FOXP1: variants seen among roughly 807,000 people sequenced by gnomAD.
FOXP1 encodes the protein forkhead box protein P1.
A neutral mutation model predicts 98.2 loss-of-function variants in FOXP1; 15 were observed. The ratio of observed to expected loss-of-function variants is 0.15; its 90% CI spans 0.10 to 0.24. The LOEUF is 0.24. FOXP1 is among the 10% of genes least tolerant of loss of function. The pLI is 1.00. For synonymous variants in FOXP1, 371 were observed against 314.5 expected (o/e 1.18, Z -1.90); for missense variants, 633 against 848.5 (o/e 0.75, Z 3.15).
intron 6 of FOXP1, among the ~76,000 whole-genome samples, chr3:71,113,758 A>AAAATAAAATAAAATAAAATAAAATG: frequency 6.6e-6 from 1 of 151,296 alleles, no homozygotes; most frequent in East Asian, 1.9e-4. Context: ...AAAATAAAAT[A>AAAATAAAATAAAATAAAATAAAATG]AAAGGTCAAG....
intron 4 of FOXP1, among the ~76,000 whole-genome samples, chr3:71,307,517 G>A (rs1303986855): frequency 6.6e-6 from 1 of 152,202 alleles, no homozygotes. Context: ...TAAGCGGGGT[G>A]CCCACAGAAA....
intron 6 of FOXP1, among the ~76,000 whole-genome samples, chr3:71,185,105 A>G (rs2062567176): frequency 6.6e-6 from 1 of 152,086 alleles, no homozygotes; most frequent in East Asian, 1.9e-4. Context: ...AGGCACAAGA[A>G]TTGCTTGAAC....
At chr3:71,178,666 G>A (rs961539698) in intron 6 of FOXP1, among the ~76,000 whole-genome samples, 3 of 151,630 alleles carry the variant, frequency 2.0e-5, no homozygotes, top group Non-Finnish European at 4.4e-5. Flanking sequence ...GGCGGATCAC[G>A]AGGTCAGGAG....
intron 2 of FOXP1, chr3:71,567,794 T>C (rs1264926880): frequency 6.6e-6 from 1 of 150,874 alleles, no homozygotes; most frequent in Non-Finnish European, 1.5e-5. Flanking sequence ...AAGAAAAGAG[T>C]GGACGTTCTT....
chr3:71,275,174 T>G (rs1054005758), intron 5 of FOXP1, among the ~76,000 whole-genome samples: 4 of 152,234 alleles, frequency 2.6e-5, no homozygotes, highest in African/African-American at 9.6e-5. Flanking sequence ...ACCCACTTGG[T>G]CACTTAATAT....
intron 20 of FOXP1, among the ~76,000 whole-genome samples, chr3:70,963,415 TCC>T (rs1274299724): frequency 2.6e-5 from 4 of 152,190 alleles, no homozygotes; most frequent in Non-Finnish European, 4.4e-5. Flanking sequence ...AGGATGGGAT[TCC>T]ACGAAAGATA....
intron 3 of FOXP1, among the ~76,000 whole-genome samples, chr3:71,397,823 T>C (rs1309220905): frequency 2.6e-5 from 4 of 152,228 alleles, no homozygotes; most frequent in African/African-American, 9.6e-5. Flanking sequence ...TTCCTATGTC[T>C]AGTATAATTC....
intron 6 of FOXP1, among the ~76,000 whole-genome samples, chr3:71,194,064 G>C (rs1205176663): frequency 6.6e-6 from 1 of 152,102 alleles, no homozygotes; most frequent in Non-Finnish European, 1.5e-5. Flanking sequence ...GAAGCCACGG[G>C]AAGTAAACAC....
At chr3:71,577,492 C>T (rs549940516) in intron 2 of FOXP1, among the ~76,000 whole-genome samples, 1 of 152,076 alleles carries the variant, frequency 6.6e-6, no homozygotes, top group Non-Finnish European at 1.5e-5. Context: ...CCAAATTTCG[C>T]CAGGTTTGCC....
chr3:71,479,057 T>C (rs2090074327), intron 3 of FOXP1, among the ~76,000 whole-genome samples: 1 of 152,138 alleles, frequency 6.6e-6, no homozygotes, highest in Non-Finnish European at 1.5e-5. Flanking sequence ...ATAGTTTCAA[T>C]GGAATAAAAG....
chr3:71,035,772 G>GA (rs112404482), intron 11 of FOXP1, among the ~76,000 whole-genome samples: 174 of 144,928 alleles, frequency 1.2e-3, no homozygotes, highest in African/African-American at 2.1e-3. Context: ...GATTTTTGGG[G>GA]AAAAAAAAAA....
At chr3:71,183,334 A>C (rs1203060842) in intron 6 of FOXP1, among the ~76,000 whole-genome samples, 1 of 152,104 alleles carries the variant, frequency 6.6e-6, no homozygotes, top group Non-Finnish European at 1.5e-5. Context: ...TCTCTACTAA[A>C]AATACAAAAA....
chr3:71,356,512 G>A (rs960477896), intron 4 of FOXP1, among the ~76,000 whole-genome samples: 11 of 152,314 alleles, frequency 7.2e-5, no homozygotes, highest in Middle Eastern at 3.4e-3. Context: ...GATTTCCACT[G>A]TATCACCTGG....
chr3:71,551,621 G>A lies in FOXP1; in HGVS notation c.-298+29928C>T, dbSNP rs1268339112. Among the ~76,000 whole-genome samples the A allele has an allele frequency of 2.6e-5, 4 of 152,252 alleles. No individual in the cohort carries two copies. In the East Asian group the frequency reaches 5.8e-4, roughly 22 times the overall value. On this transcript the variant is annotated intron_variant, in intron 2 of 20. Transcript: ENST00000649528. ...ATATGAAACAAACATTCTATCTTTA[G>A]TTATTTGTTTAAATGGAACTTTGCA...
chr3:71,020,291 T>G (rs1296494833), intron 11 of FOXP1, among the ~76,000 whole-genome samples: 4 of 152,208 alleles, frequency 2.6e-5, no homozygotes, highest in Non-Finnish European at 4.4e-5. Flanking sequence ...CAGTATATAT[T>G]CAGTAGGATA....
At chr3:71,380,803 T>C (rs535993051) in intron 3 of FOXP1, among the ~76,000 whole-genome samples, 1 of 146,112 alleles carries the variant, frequency 6.8e-6, no homozygotes, top group South Asian at 2.2e-4. Flanking sequence ...AACCAAACAA[T>C]TTTCCCCCAA....
chr3:71,517,807 C>T (rs780112745), intron 2 of FOXP1, among the ~76,000 whole-genome samples: 5 of 152,180 alleles, frequency 3.3e-5, no homozygotes, highest in Admixed American at 1.3e-4. Context: ...AAAACAAACT[C>T]GCTGGACTAC....
At chr3:71,280,061 T>G (rs2071350734) in intron 5 of FOXP1, among the ~76,000 whole-genome samples, 1 of 144,132 alleles carries the variant, frequency 6.9e-6, no homozygotes, top group Non-Finnish European at 1.5e-5. Context: ...AGTCAGAGGT[T>G]GCAGCGAGCT....
chr3:71,280,829 C>T (rs1190409132), intron 5 of FOXP1, among the ~76,000 whole-genome samples: 2 of 151,664 alleles, frequency 1.3e-5, no homozygotes, highest in Non-Finnish European at 2.9e-5. Context: ...TGTTTGCTTT[C>T]GTATTTATGT....
Sources: gnomAD v4.1 joint callset for allele counts (sites outside exome capture counted in the v4.1 genomes callset) on GRCh38, gnomAD v4.1.1 for gene constraint, MANE v1.5 for transcripts, NCBI Gene and HGNC (gene_info 2026-07-23, HGNC 2026-07-21) for gene names.